Variants in ADARB2 observed in about 807,000 individuals in gnomAD.
ADARB2 encodes inactive double-stranded RNA-specific editase B2.
In ADARB2, 25 loss-of-function variants were observed where a neutral mutation model predicts 62.2. The ratio of observed to expected loss-of-function variants is 0.40; its 90% CI spans 0.29 to 0.56. ADARB2 has a LOEUF of 0.56. ADARB2 is among the 20% of genes least tolerant of loss of function. The pLI is 0.43. For missense variants in ADARB2, 1,071 were observed against 1,077.4 expected (o/e 0.99, Z 0.08); for synonymous variants, 572 against 500.8 (o/e 1.14, Z -1.90).
chr10:1,609,897 C>A (rs532106882), intron 1 of ADARB2, among the ~76,000 whole-genome samples: 1 of 152,216 alleles, frequency 6.6e-6, no homozygotes, highest in African/African-American at 2.4e-5. Flanking sequence ...AATAGCAGGG[C>A]GCTGACAGTC....
At chr10:1,394,146 A>G (rs1832592392) in intron 1 of ADARB2, among the ~76,000 whole-genome samples, 2 of 152,208 alleles carry the variant, frequency 1.3e-5, no homozygotes, top group Non-Finnish European at 1.5e-5. Flanking sequence ...AGGTGGCCTG[A>G]AGGCAACCAC....
At chr10:1,636,043 T>C (rs1338444111) in intron 1 of ADARB2, among the ~76,000 whole-genome samples, 3 of 152,168 alleles carry the variant, frequency 2.0e-5, no homozygotes, top group African/African-American at 7.2e-5. Flanking sequence ...CAGGTGTGGC[T>C]CTGAGGCACG....
chr10:1,272,346 C>T (rs1831270633), intron 3 of ADARB2, among the ~76,000 whole-genome samples: 2 of 152,192 alleles, frequency 1.3e-5, no homozygotes, highest in South Asian at 4.2e-4. Flanking sequence ...AAGGACAGCT[C>T]TCTGATTAAT....
chr10:1,355,885 T>C (rs1458329178), intron 3 of ADARB2, among the ~76,000 whole-genome samples: 1 of 152,234 alleles, frequency 6.6e-6, no homozygotes, highest in Non-Finnish European at 1.5e-5. Flanking sequence ...CACAATTGTA[T>C]ATACATTTTA....
chr10:1,695,316 C>T (rs907520391), intron 1 of ADARB2, among the ~76,000 whole-genome samples: 1 of 152,140 alleles, frequency 6.6e-6, no homozygotes, highest in African/African-American at 2.4e-5. Context: ...CGGTGCAGCT[C>T]AGAGCAGACA....
chr10:1,246,998 C>T (rs370267204), intron 4 of ADARB2, among the ~76,000 whole-genome samples: 5 of 151,864 alleles, frequency 3.3e-5, no homozygotes, highest in African/African-American at 7.3e-5. Flanking sequence ...TTGTATCCTC[C>T]TTTATTTCAT....
chr10:1,368,503 C>G (rs1040042634), intron 2 of ADARB2, among the ~76,000 whole-genome samples: 1 of 152,178 alleles, frequency 6.6e-6, no homozygotes, highest in Admixed American at 6.5e-5. Flanking sequence ...TTCCAGGGAA[C>G]CTGAAAGAAG....
At chr10:1,379,972 G>A (rs867184551) in intron 1 of ADARB2, among the ~76,000 whole-genome samples, 4 of 152,206 alleles carry the variant, frequency 2.6e-5, no homozygotes, top group South Asian at 2.1e-4. Flanking sequence ...GTGGGTTTGA[G>A]GTATGATTGA....
intron 1 of ADARB2, among the ~76,000 whole-genome samples, chr10:1,660,766 G>A (rs368596852): frequency 1.3e-5 from 2 of 152,192 alleles, no homozygotes; most frequent in African/African-American, 4.8e-5. Flanking sequence ...GATCCGCACT[G>A]TGTCAGTATA....
chr10:1,260,467 A>T (rs1010217428), intron 4 of ADARB2, among the ~76,000 whole-genome samples: 1 of 150,288 alleles, frequency 6.7e-6, no homozygotes, highest in African/African-American at 2.4e-5. Flanking sequence ...CAGGATATAA[A>T]ATCAATGTAC....
At chr10:1,587,875 T>G (rs1333212863) in intron 1 of ADARB2, among the ~76,000 whole-genome samples, 1 of 152,140 alleles carries the variant, frequency 6.6e-6, no homozygotes, top group African/African-American at 2.4e-5. Flanking sequence ...CCCTTTCTCT[T>G]GGCTCTCATT....
chr10:1,461,514 A>AT (rs939128553), intron 1 of ADARB2, among the ~76,000 whole-genome samples: 167 of 110,716 alleles, frequency 1.5e-3, no homozygotes, highest in East Asian at 0.014. Context: ...GTGCATATAT[A>AT]TTTTTTTTTT....
chr10:1,506,724 G>A (rs1180867035), intron 1 of ADARB2, among the ~76,000 whole-genome samples: 8 of 152,346 alleles, frequency 5.3e-5, no homozygotes, highest in Non-Finnish European at 1.5e-5. Flanking sequence ...ATAAGTACCC[G>A]CTGTGGACTG....
At chr10:1,689,991 TTTTTTG>T (rs1834648842) in intron 1 of ADARB2, among the ~76,000 whole-genome samples, 2 of 151,992 alleles carry the variant, frequency 1.3e-5, no homozygotes, top group Admixed American at 1.3e-4. Flanking sequence ...TTTGTTTTTG[TTTTTTG>T]TTTGTTTTTG....
intron 1 of ADARB2, among the ~76,000 whole-genome samples, chr10:1,506,421 CG>C (rs1033895538): frequency 3.0e-4 from 45 of 152,306 alleles, no homozygotes; most frequent in African/African-American, 1.0e-3. Flanking sequence ...TCCCCCACTA[CG>C]GTATTTGCAT....
chr10:1,454,487 C>A (rs1588263908), intron 1 of ADARB2, among the ~76,000 whole-genome samples: 1 of 152,304 alleles, frequency 6.6e-6, no homozygotes, highest in East Asian at 1.9e-4. Context: ...GGAATATCTA[C>A]TATTCAGCTG....
chr10:1,411,059 A>G (rs1832755301), intron 1 of ADARB2, among the ~76,000 whole-genome samples: 3 of 152,210 alleles, frequency 2.0e-5, no homozygotes, highest in Admixed American at 1.3e-4. Flanking sequence ...GGGCGCCTGC[A>G]GGGAAACTGC....
intron 1 of ADARB2, among the ~76,000 whole-genome samples, chr10:1,591,035 A>G (rs1190869565): frequency 6.6e-6 from 1 of 152,190 alleles, no homozygotes; most frequent in African/African-American, 2.4e-5. Context: ...TGCAATTTCT[A>G]TGTGTCGATT....
At chr10:1,291,455 G>A (rs1186820984) in intron 3 of ADARB2, 1 of 152,290 alleles carries the variant, frequency 6.6e-6, no homozygotes, top group East Asian at 1.9e-4. Flanking sequence ...ACAGCTCAGT[G>A]TGTGTAGAAA....
Sources: gnomAD v4.1 joint callset for allele counts (sites outside exome capture counted in the v4.1 genomes callset) on GRCh38, gnomAD v4.1.1 for gene constraint, MANE v1.5 for transcripts, NCBI Gene and HGNC (gene_info 2026-07-23, HGNC 2026-07-21) for gene names.